Variants in SLC49A4 observed in about 807,000 individuals in gnomAD.
The protein encoded by SLC49A4 is disrupted in renal cancer protein 2.
A neutral mutation model predicts 50.6 loss-of-function variants in SLC49A4; 36 were observed. That is an observed-to-expected ratio of 0.71 (90% confidence interval 0.55 to 0.94). The LOEUF (loss-of-function observed/expected upper bound fraction) is 0.94. Among genes scored for constraint, SLC49A4 ranks in the 40% least tolerant of loss-of-function variants. SLC49A4 has a pLI of 0.00. For missense variants in SLC49A4, 503 were observed against 605.7 expected, an observed-to-expected ratio of 0.83 and a Z score of 1.78; for synonymous variants, 248 against 241.2, an observed-to-expected ratio of 1.03 and a Z score of -0.26.
chr3:122,855,694 A>C (rs1936979853), intron 5 of SLC49A4, among the ~76,000 whole-genome samples: 2 of 152,216 alleles, frequency 1.3e-5, no homozygotes, highest in East Asian at 3.8e-4. Context: ...ATGTTTATTG[A>C]GCACTTCCTA....
intron 1 of SLC49A4, 35 bp downstream of exon 1, chr3:122,795,570 C>G (rs757111396): frequency 6.4e-7 from 1 of 1,562,434 alleles, no homozygotes; most frequent in Non-Finnish European, 8.6e-7. Flanking sequence ...CGCGCTGTCT[C>G]TCCTCCGGGA....
At chr3:122,837,703 T>A (rs1451224843) in intron 4 of SLC49A4, among the ~76,000 whole-genome samples, 1 of 151,940 alleles carries the variant, frequency 6.6e-6, no homozygotes, top group Non-Finnish European at 1.5e-5. Context: ...AAGCCAAAAT[T>A]GACAAATGGG....
At chr3:122,848,017 G>T (rs1048346984) in intron 5 of SLC49A4, among the ~76,000 whole-genome samples, 3 of 152,208 alleles carry the variant, frequency 2.0e-5, no homozygotes, top group Non-Finnish European at 4.4e-5. Context: ...CACTTTTCAA[G>T]TGCGGGATAG....
chr3:122,833,197 T>C (rs1177241294), intron 3 of SLC49A4, 120 bp from the exon 4 acceptor site: 15 of 954,844 alleles, frequency 1.6e-5, no homozygotes, highest in Non-Finnish European at 2.4e-5. Context: ...GCCATGTTCA[T>C]GCCACTGCAT....
intron 6 of SLC49A4, 78 bp from the exon 7 acceptor site, chr3:122,859,997 T>G: frequency 8.4e-7 from 1 of 1,190,790 alleles, no homozygotes; most frequent in Non-Finnish European, 1.1e-6. Flanking sequence ...CCTCAAGTAG[T>G]TGTTAGTGAA....
intron 7 of SLC49A4, among the ~76,000 whole-genome samples, 173 bp downstream of exon 7, chr3:122,860,375 CTA>C (rs771967853): frequency 3.3e-5 from 5 of 152,070 alleles, no homozygotes; most frequent in Non-Finnish European, 7.4e-5. Context: ...CAAAAAATAA[CTA>C]AAAATATTTT....
chr3:122,856,802 T>A (rs574509873), intron 6 of SLC49A4, among the ~76,000 whole-genome samples: 5 of 145,416 alleles, frequency 3.4e-5, no homozygotes, highest in African/African-American at 1.3e-4. Flanking sequence ...ACGCCACTGC[T>A]CTCCAGCCTG....
At chr3:122,801,673 G>A (rs2107554755) in intron 1 of SLC49A4, among the ~76,000 whole-genome samples, 1 of 152,320 alleles carries the variant, frequency 6.6e-6, no homozygotes, top group African/African-American at 2.4e-5. Flanking sequence ...AAGCATGGAT[G>A]GCAGAGGTAG....
chr3:122,841,011 C>G (rs1936762644), intron 4 of SLC49A4, among the ~76,000 whole-genome samples: 1 of 152,140 alleles, frequency 6.6e-6, no homozygotes. Context: ...ATCTCTTGAT[C>G]TAAAATGCTT....
intron 4 of SLC49A4, among the ~76,000 whole-genome samples, chr3:122,835,386 G>A (rs1329283151): frequency 6.6e-6 from 1 of 152,098 alleles, no homozygotes; most frequent in Non-Finnish European, 1.5e-5. Flanking sequence ...AAAAACACTA[G>A]CTTACTGAAT....
chr3:122,851,588 T>C (rs1251400987), intron 5 of SLC49A4, among the ~76,000 whole-genome samples: 1 of 152,202 alleles, frequency 6.6e-6, no homozygotes, highest in Non-Finnish European at 1.5e-5. Context: ...AGTTTTGCTT[T>C]GATATGATAT....
chr3:122,839,812 C>G (rs139264415), intron 4 of SLC49A4, among the ~76,000 whole-genome samples: 2 of 152,278 alleles, frequency 1.3e-5, no homozygotes, highest in African/African-American at 2.4e-5. Context: ...AGTACCACCT[C>G]TATGCAAAAC....
At chr3:122,824,504 G>C (rs552759286) in intron 2 of SLC49A4, among the ~76,000 whole-genome samples, 1 of 152,054 alleles carries the variant, frequency 6.6e-6, no homozygotes, top group Non-Finnish European at 1.5e-5. Flanking sequence ...GTTAAGCCAT[G>C]GCAATAATTT....
chr3:122,828,305 C>T (rs1013698033), intron 3 of SLC49A4, among the ~76,000 whole-genome samples: 1 of 152,118 alleles, frequency 6.6e-6, no homozygotes, highest in Admixed American at 6.6e-5. Context: ...CCTACAATTG[C>T]TCTGAGAGCT....
Position 122,828,037 on chromosome 3 carries a change from ATGTTTG to A in SLC49A4, c.703+979_703+984del, listed in dbSNP as rs925437883. ...ATTGAGTATGGCTGGAGTGGTGTAA[ATGTTTG>A]TGTTTGGGTATGGGTAACAAGTGGC... On this transcript the variant is annotated intron_variant, in intron 3 of 8. Coordinates refer to ENST00000261038, the MANE Select transcript of SLC49A4 (RefSeq NM_032839.3). 7.4e-4 allele frequency among the ~76,000 whole-genome samples: 113 copies of A among 152,294 alleles called. 2 individuals carry two copies. The highest frequency in any genetic ancestry group is 2.4e-3 in the Admixed American group (36 of 15,296).
intron 4 of SLC49A4, among the ~76,000 whole-genome samples, chr3:122,837,987 G>C (rs573712785): frequency 1.3e-5 from 2 of 152,122 alleles, no homozygotes; most frequent in South Asian, 4.2e-4. Context: ...TCAGAGAAAT[G>C]CAAATCAAAA....
chr3:122,817,456 C>T (rs72968341), intron 2 of SLC49A4, among the ~76,000 whole-genome samples: 6,383 of 152,090 alleles, frequency 0.042, 435 homozygotes, highest in African/African-American at 0.14. Context: ...TGTAAGATGA[C>T]GCGTATGTAT....
chr3:122,813,784 G>T (rs1256887355), intron 2 of SLC49A4, among the ~76,000 whole-genome samples: 1 of 152,008 alleles, frequency 6.6e-6, no homozygotes, highest in African/African-American at 2.4e-5. Flanking sequence ...AAAAAATCAG[G>T]ATTATTTGAA....
intron 5 of SLC49A4, among the ~76,000 whole-genome samples, chr3:122,848,191 T>A (rs1480688233): frequency 1.3e-5 from 2 of 152,178 alleles, no homozygotes; most frequent in Non-Finnish European, 2.9e-5. Flanking sequence ...ATTATAGGCG[T>A]TAAGTTTCTT....
Sources: gnomAD v4.1 joint callset for allele counts (sites outside exome capture counted in the v4.1 genomes callset) on GRCh38, gnomAD v4.1.1 for gene constraint, MANE v1.5 for transcripts, NCBI Gene and HGNC (gene_info 2026-07-23, HGNC 2026-07-21) for gene names.